RBFOX1: variants seen among roughly 807,000 people sequenced by gnomAD.
RBFOX1 encodes the protein RNA binding fox-1 homolog 1.
In RBFOX1, 8 loss-of-function variants were observed where a neutral mutation model predicts 57.7. The ratio of observed to expected loss-of-function variants is 0.14; its 90% confidence interval spans 0.08 to 0.25. The LOEUF (loss-of-function observed/expected upper bound fraction) is 0.25, where lower values mean the gene tolerates loss of function less well. Ranked by LOEUF, RBFOX1 falls within the 10% of genes least tolerant of loss-of-function variation. The pLI, the probability that RBFOX1 is intolerant of heterozygous loss-of-function variation, is 1.00. For synonymous variants in RBFOX1, 326 were observed against 222.4 expected (o/e 1.47, Z -4.15); for missense variants, 611 against 548.5 (o/e 1.11, Z -1.14).
rs543666573 is a variant in RBFOX1, at chr16:6,097,887, G to A, written c.-127+77895G>A. On this transcript the variant is annotated intron_variant, in intron 1 of 15. Coordinates refer to ENST00000550418, the MANE Select transcript of RBFOX1 (RefSeq NM_018723.4). This position sits in a 1 kb window ranked among gnomAD's most constrained non-coding sequence, Gnocchi z 5.0. ...TCTGATTTGTGCATGGCTATTTTGC[G>A]ATTTGCCATTGCTGGAATATTTAGC... Among the ~76,000 whole-genome samples the A allele has an allele frequency of 2.6e-5, 4 of 152,106 alleles. No homozygotes were observed. The East Asian group carries it at 5.8e-4, about 22-fold the overall frequency.
intron 3 of RBFOX1, among the ~76,000 whole-genome samples, chr16:5,667,697 G>T (rs944354923): frequency 6.6e-6 from 1 of 152,060 alleles, no homozygotes; most frequent in African/African-American, 2.4e-5. Flanking sequence ...TTTCTAGTTG[G>T]TGTTTCTGCA....
chr16:6,746,909 T>C (rs1415393494), intron 3 of RBFOX1, among the ~76,000 whole-genome samples: 2 of 152,112 alleles, frequency 1.3e-5, no homozygotes, highest in Non-Finnish European at 2.9e-5. Context: ...AGCAGTCTTC[T>C]CAGTATTTTG....
chr16:6,696,813 A>G (rs2061120580), intron 3 of RBFOX1, among the ~76,000 whole-genome samples: 1 of 152,214 alleles, frequency 6.6e-6, no homozygotes, highest in Non-Finnish European at 1.5e-5. Context: ...GAGAAGTAGA[A>G]TAACATTTAC....
intron 1 of RBFOX1, among the ~76,000 whole-genome samples, chr16:5,282,399 C>A (rs938308351): frequency 6.6e-6 from 1 of 152,108 alleles, no homozygotes; most frequent in Non-Finnish European, 1.5e-5. Context: ...GTGGAAGTGA[C>A]TTTGGAACTG....
intron 4 of RBFOX1, among the ~76,000 whole-genome samples, chr16:7,097,408 C>G (rs1225473348): frequency 4.6e-5 from 7 of 152,054 alleles, no homozygotes; most frequent in Non-Finnish European, 7.4e-5. Flanking sequence ...TCAAAGATCC[C>G]CATCTCCCAT....
chr16:7,475,081 G>C (rs964587635), intron 4 of RBFOX1, among the ~76,000 whole-genome samples: 1 of 152,126 alleles, frequency 6.6e-6, no homozygotes, highest in Non-Finnish European at 1.5e-5. Context: ...GAGTTCAGAA[G>C]AGTTTAAAAG....
At position 6,285,444 on chromosome 16, in the gene RBFOX1, C is replaced by T. The variant is rs538897036; in HGVS notation, c.-126-31551C>T. 2.8e-4 allele frequency among the ~76,000 whole-genome samples: 42 copies of T among 152,218 alleles called. No individual in the cohort carries two copies. In the South Asian group the frequency reaches 3.3e-3, roughly 12 times the overall value. ...AGGAGTATTTCTAAGTTTATGGGAGCCAAACACCCTGAAATCCCACATCTC... is the reference window on the plus strand; with the variant it reads ...AGGAGTATTTCTAAGTTTATGGGAGTCAAACACCCTGAAATCCCACATCTC... On this transcript the variant is annotated intron_variant, in intron 1 of 15. Transcript: ENST00000550418.
intron 4 of RBFOX1, among the ~76,000 whole-genome samples, chr16:5,958,108 A>C (rs1387769667): frequency 2.0e-5 from 3 of 152,192 alleles, no homozygotes; most frequent in Non-Finnish European, 4.4e-5. Context: ...TAATGAGAAT[A>C]GTGATGGCAC....
chr16:6,299,209 G>T (rs2078500217), intron 1 of RBFOX1, among the ~76,000 whole-genome samples: 1 of 152,140 alleles, frequency 6.6e-6, no homozygotes, highest in African/African-American at 2.4e-5. Flanking sequence ...AGGGGCCTTA[G>T]CCCCACAAAC....
At chr16:6,543,998 T>C (rs1567623420) in intron 2 of RBFOX1, among the ~76,000 whole-genome samples, 1 of 152,222 alleles carries the variant, frequency 6.6e-6, no homozygotes, top group African/African-American at 2.4e-5. Context: ...AAAAGCACCT[T>C]GTCTCTGGTT....
chr16:7,672,814 C>G (rs2071926851), intron 13 of RBFOX1, among the ~76,000 whole-genome samples: 1 of 116,322 alleles, frequency 8.6e-6, no homozygotes, highest in Non-Finnish European at 1.6e-5. Context: ...TTGCAGTGAG[C>G]CGAGATTGCG....
intron 2 of RBFOX1, among the ~76,000 whole-genome samples, chr16:6,395,558 T>C (rs1252470266): frequency 1.4e-5 from 2 of 142,294 alleles, no homozygotes; most frequent in African/African-American, 5.5e-5. Flanking sequence ...TGTAATGAGC[T>C]TTTTGTGTGA....
At chr16:6,526,802 C>T (rs945925997) in intron 2 of RBFOX1, among the ~76,000 whole-genome samples, 1 of 132,554 alleles carries the variant, frequency 7.5e-6, no homozygotes, top group African/African-American at 2.9e-5. Context: ...CACACTCCAC[C>T]CTTGGCAACA....
chr16:6,798,468 G>T (rs1282689162), intron 3 of RBFOX1, among the ~76,000 whole-genome samples: 1 of 152,140 alleles, frequency 6.6e-6, no homozygotes, highest in Non-Finnish European at 1.5e-5. Flanking sequence ...AATTCAGAAT[G>T]GCAGGGAGCT....
rs572428426 is a variant in RBFOX1, at chr16:7,518,461, G to C, written c.270+72G>C. 169 of 1,526,588 alleles carry C rather than the reference G, an allele frequency of 1.1e-4. No individual in the cohort carries two copies. In the African/African-American group the frequency reaches 2.0e-3, roughly 18 times the overall value. The allele number at this position is 1,526,588 out of a possible 1,614,324, so 94.6% of individuals were successfully genotyped here. ...CCCAGCCCTGGTAATGGCAGCGGGG[G>C]TGCACCCCCATCTACCCAGGGACTC... On this transcript the variant is annotated intron_variant, in intron 5 of 15. Coordinates refer to ENST00000550418, the MANE Select transcript of RBFOX1 (RefSeq NM_018723.4).
At chr16:7,438,455 C>A (rs1015538424) in intron 4 of RBFOX1, among the ~76,000 whole-genome samples, 1 of 152,026 alleles carries the variant, frequency 6.6e-6, no homozygotes, top group Non-Finnish European at 1.5e-5. Flanking sequence ...AGAAGGTAAT[C>A]AAGGAGAGAT....
At chr16:6,890,194 A>T (rs1451056102) in intron 3 of RBFOX1, among the ~76,000 whole-genome samples, 2 of 152,206 alleles carry the variant, frequency 1.3e-5, no homozygotes, top group Non-Finnish European at 2.9e-5. Flanking sequence ...ACACTGCTGT[A>T]AGCCTTTTGG....
At chr16:6,735,671 T>C (rs1020100964) in intron 3 of RBFOX1, among the ~76,000 whole-genome samples, 2 of 152,150 alleles carry the variant, frequency 1.3e-5, no homozygotes, top group African/African-American at 4.8e-5. Context: ...ATGCTGAGAC[T>C]CTCTCAGATC....
At chr16:6,105,859 A>G (rs2096372061) in intron 1 of RBFOX1, among the ~76,000 whole-genome samples, 1 of 152,100 alleles carries the variant, frequency 6.6e-6, no homozygotes, top group Non-Finnish European at 1.5e-5. Flanking sequence ...GTTGCTTGAC[A>G]TTTTATTATG....
Sources: allele counts gnomAD v4.1 joint callset (sites outside exome capture counted in the v4.1 genomes callset), GRCh38; gene constraint gnomAD v4.1.1; non-coding constraint Gnocchi (gnomAD v3.1); transcripts MANE v1.5; gene names NCBI Gene and HGNC (gene_info 2026-07-23, HGNC 2026-07-21).